PYHIN1: variants seen among roughly 807,000 people sequenced by gnomAD.
PYHIN1 encodes pyrin and HIN domain-containing protein 1.
Under a neutral mutation model 43.7 loss-of-function variants are expected in PYHIN1, and 32 were observed. That is an observed-to-expected ratio of 0.73 (90% CI 0.55 to 0.98). PYHIN1 has a LOEUF of 0.98. PYHIN1 is among the 50% of genes least tolerant of loss of function. The pLI is 0.00. For synonymous variants in PYHIN1, 205 were observed against 203.1 expected, an observed-to-expected ratio of 1.01 and a Z score of -0.08; for missense variants, 588 against 589.5, an observed-to-expected ratio of 1.00 and a Z score of 0.03.
chr1:158,969,215 T>C (rs1262277849), intron 7 of PYHIN1, among the ~76,000 whole-genome samples: 2 of 152,004 alleles, frequency 1.3e-5, no homozygotes, highest in African/African-American at 4.8e-5. Context: ...GACATCGTTA[T>C]GGTTTGAGTT....
intron 7 of PYHIN1, among the ~76,000 whole-genome samples, chr1:158,946,991 T>G (rs943287873): frequency 6.6e-6 from 1 of 152,182 alleles, no homozygotes; most frequent in African/African-American, 2.4e-5. Flanking sequence ...CATTTCCATA[T>G]GGGTTCCAGC....
intron 4 of PYHIN1, chr1:158,939,765 C>T (rs903394677): frequency 3.7e-6 from 2 of 534,670 alleles, no homozygotes; most frequent in African/African-American, 1.9e-5. Flanking sequence ...CTAGGAACTT[C>T]TTTCTTTTCT....
At chr1:158,941,895 T>C (rs1223058070) in intron 4 of PYHIN1, 82 bp from the exon 5 acceptor site, 1 of 1,339,880 alleles carries the variant, frequency 7.5e-7, no homozygotes. Context: ...GGCCCAATGT[T>C]GTGCCTTGAG....
the PYHIN1 span, among the ~76,000 whole-genome samples, chr1:158,984,146 T>C: frequency 6.6e-6 from 1 of 151,812 alleles, no homozygotes. Context: ...TCAATTTTAT[T>C]TGGTTCAACT....
intron 7 of PYHIN1, among the ~76,000 whole-genome samples, chr1:158,959,415 C>A (rs1417549525): frequency 6.6e-6 from 1 of 152,104 alleles, no homozygotes; most frequent in African/African-American, 2.4e-5. Context: ...AATTATGCAC[C>A]CGCGGTTGAT....
At chr1:158,963,396 T>C (rs1650440475) in intron 7 of PYHIN1, among the ~76,000 whole-genome samples, 1 of 148,708 alleles carries the variant, frequency 6.7e-6, no homozygotes, top group Admixed American at 6.7e-5. Context: ...CCACCAAGAG[T>C]CAAGTGAAAG....
In PYHIN1 at chr1:158,976,969, GTTTTAC is replaced by G. The variant is rs1390875014; in HGVS notation, c.*280_*285del. ...ATTAAGGGTGCATTTTATTTCATTA[GTTTTAC>G]TTTTATGCATTTTCTTCATATCATA... On this transcript the variant is annotated 3_prime_UTR_variant, in exon 9 of 9. Coordinates refer to ENST00000368140, the MANE Select transcript of PYHIN1 (RefSeq NM_152501.5). 1 of 216,420 alleles carries G rather than the reference GTTTTAC, an allele frequency of 4.6e-6. No individual in the cohort carries two copies. Among genetic ancestry groups the G allele is most frequent in the Admixed American group, 5.7e-5 (1 of 17,564 alleles). The allele number at this position is 216,420 out of a possible 1,614,324, so 13.4% of individuals were successfully genotyped here.
In PYHIN1 at chr1:158,942,416, A is replaced by T. The variant is rs1648978633; in HGVS notation, c.1002+17A>T. On this transcript the variant is annotated intron_variant, in intron 5 of 8. Transcript: ENST00000368140. ...CTACATACGGTAAGGCATCAAAGCTATTTTGTGGCATTTTCTACAATAACA... is the reference window on the plus strand; with the variant it reads ...CTACATACGGTAAGGCATCAAAGCTTTTTTGTGGCATTTTCTACAATAACA... The T allele has an allele frequency of 3.3e-6, 5 of 1,532,940 alleles. No individual in the cohort carries two copies. In the East Asian group the frequency reaches 1.1e-4, roughly 35 times the overall value. The allele number at this position is 1,532,940 out of a possible 1,614,324, so 95.0% of individuals were successfully genotyped here.
intron 1 of PYHIN1, among the ~76,000 whole-genome samples, chr1:158,936,108 G>A (rs1357210623): frequency 6.6e-6 from 1 of 151,058 alleles, no homozygotes; most frequent in South Asian, 2.1e-4. Flanking sequence ...TGTGCATAAC[G>A]TGCAGGTTTG....
rs897882894 is a variant in PYHIN1 at position 158,937,098 on chromosome 1, G to T, written c.188G>T (p.Gly63Val). Reference protein sequence around the residue: ...EEKFPGDAGLGKLIEFFKEIP... With the variant: ...EEKFPGDAGLVKLIEFFKEIP... ...AAGTTCCCAGGTGATGCCGGTTTGG[G>T]CAAACTAATAGAATTCTTCAAAGAA... is the stretch of plus-strand genomic sequence containing the variant. The change falls in exon 2 of 9, where the codon GGC becomes GTC. Residue 63 changes from glycine (G) to valine (V), a missense_variant. Physicochemically the swap from Gly to Val is moderately radical, Grantham distance 109 (BLOSUM62 -3). Transcript: ENST00000368140. 13 of 1,613,654 alleles carry T rather than the reference G, an allele frequency of 8.1e-6. No individual in the cohort carries two copies. Among genetic ancestry groups the T allele is most frequent in the Non-Finnish European group, 1.1e-5 (13 of 1,179,882 alleles).
At chr1:158,989,857 T>C in the PYHIN1 span, among the ~76,000 whole-genome samples, 25 of 150,448 alleles carry the variant, frequency 1.7e-4, no homozygotes, top group African/African-American at 6.2e-4. Flanking sequence ...TTTATCTCAG[T>C]TTATAACATT....
intron 7 of PYHIN1, among the ~76,000 whole-genome samples, chr1:158,966,244 A>G (rs1215092436): frequency 6.6e-6 from 1 of 152,148 alleles, no homozygotes; most frequent in Non-Finnish European, 1.5e-5. Flanking sequence ...AAAGTCTACC[A>G]ACTAAAAGTA....
the PYHIN1 span, among the ~76,000 whole-genome samples, chr1:158,984,020 C>A: frequency 9.0e-6 from 1 of 111,420 alleles, no homozygotes; most frequent in Non-Finnish European, 1.8e-5. Flanking sequence ...TTATTTGGAT[C>A]TTCTCCTGTT....
chr1:158,935,721 TGCA>T (rs1219166375), intron 1 of PYHIN1, among the ~76,000 whole-genome samples: 4 of 152,146 alleles, frequency 2.6e-5, no homozygotes, highest in Admixed American at 6.5e-5. Flanking sequence ...GGTGGGAGGC[TGCA>T]GCCCATTTAC....
chr1:158,990,317 T>C, the PYHIN1 span, among the ~76,000 whole-genome samples: 3 of 152,180 alleles, frequency 2.0e-5, no homozygotes, highest in Admixed American at 2.0e-4. Flanking sequence ...TGTTATGAGA[T>C]GGTGAGTTCT....
chr1:158,956,858 T>C (rs1389289295), intron 7 of PYHIN1, among the ~76,000 whole-genome samples: 4 of 132,110 alleles, frequency 3.0e-5, no homozygotes, highest in African/African-American at 1.1e-4. Context: ...GAAAACCCCA[T>C]TGTCTCAGCC....
At chr1:158,940,250 A>C (rs1214311356) in intron 4 of PYHIN1, 1 of 151,900 alleles carries the variant, frequency 6.6e-6, no homozygotes, top group Non-Finnish European at 1.5e-5. Context: ...AAAAAAAAAA[A>C]AAAAAAGGAA....
chr1:158,970,284 A>G (rs546408049), intron 7 of PYHIN1, among the ~76,000 whole-genome samples: 1 of 152,122 alleles, frequency 6.6e-6, no homozygotes, highest in South Asian at 2.1e-4. Context: ...TTTATATTTT[A>G]TTATGTATAT....
chr1:158,987,589 T>A, the PYHIN1 span, among the ~76,000 whole-genome samples: 1 of 152,242 alleles, frequency 6.6e-6, no homozygotes, highest in Non-Finnish European at 1.5e-5. Flanking sequence ...TTCGATATCA[T>A]ATCTTAGAAT....
Sources: allele counts gnomAD v4.1 joint callset (sites outside exome capture counted in the v4.1 genomes callset), GRCh38; gene constraint gnomAD v4.1.1; transcripts MANE v1.5; gene names NCBI Gene and HGNC (gene_info 2026-07-23, HGNC 2026-07-21).